RPS6KC1: variants seen among roughly 807,000 people sequenced by gnomAD.
RPS6KC1 encodes ribosomal protein S6 kinase C1, also known as inactive ribosomal protein S6 kinase delta-1.
Under a neutral mutation model 103.8 loss-of-function variants are expected in RPS6KC1, and 54 were observed. That is an observed-to-expected ratio of 0.52 (90% CI 0.42 to 0.65). RPS6KC1 has a LOEUF of 0.65. Ranked by LOEUF, RPS6KC1 falls within the 30% of genes least tolerant of loss-of-function variation. The pLI, the probability that RPS6KC1 is intolerant of heterozygous loss-of-function variation, is 0.00. For synonymous variants in RPS6KC1, 439 were observed against 438.7 expected, an observed-to-expected ratio of 1.00 and a Z score of -0.01; for missense variants, 1,151 against 1,253.8, an observed-to-expected ratio of 0.92 and a Z score of 1.24.
At position 213,139,919 on chromosome 1, in the gene RPS6KC1, T is replaced by TA. The variant is rs559500689; in HGVS notation, c.835+10033dup. Among the ~76,000 whole-genome samples, 6 of 152,258 alleles carry TA rather than the reference T, an allele frequency of 3.9e-5. No homozygotes were observed. In the East Asian group the frequency reaches 9.6e-4, roughly 24 times the overall value. On this transcript the variant is annotated intron_variant, in intron 6 of 14. Coordinates refer to ENST00000366960, the MANE Select transcript of RPS6KC1 (RefSeq NM_012424.6). ...TTTGATAGGAATAGCATTGAATCTG[T>TA]AAATAGCTTTGGGGAGTATGGTAAT...
the RPS6KC1 span, among the ~76,000 whole-genome samples, chr1:213,697,453 A>T: frequency 3.5e-3 from 535 of 152,346 alleles, 3 homozygotes; most frequent in Non-Finnish European, 4.4e-3. Flanking sequence ...GGGTTACTGA[A>T]GAGAGGACCA....
the RPS6KC1 span, among the ~76,000 whole-genome samples, chr1:213,532,505 A>G: frequency 2.0e-4 from 31 of 152,308 alleles, no homozygotes; most frequent in African/African-American, 7.5e-4. Context: ...AGATAGTAGG[A>G]GATAAAGAAG....
At chr1:213,734,713 A>G in the RPS6KC1 span, among the ~76,000 whole-genome samples, 167 of 152,332 alleles carry the variant, frequency 1.1e-3, no homozygotes, top group African/African-American at 3.9e-3. Context: ...GTTCATTTCA[A>G]ATAGTTTTTT....
the RPS6KC1 span, among the ~76,000 whole-genome samples, chr1:213,523,530 T>A: frequency 1.7e-4 from 26 of 152,146 alleles, no homozygotes; most frequent in African/African-American, 6.3e-4. Flanking sequence ...ATCTACAGGG[T>A]TGTTGTAAAA....
intron 8 of RPS6KC1, among the ~76,000 whole-genome samples, chr1:213,176,864 G>A (rs1354190502): frequency 6.6e-6 from 1 of 152,128 alleles, no homozygotes; most frequent in Non-Finnish European, 1.5e-5. Flanking sequence ...GAATCCCCTT[G>A]TAATTACCAT....
chr1:213,109,209 T>C (rs1456066235), intron 4 of RPS6KC1, among the ~76,000 whole-genome samples: 2 of 152,206 alleles, frequency 1.3e-5, no homozygotes, highest in Admixed American at 1.3e-4. Flanking sequence ...CCATCTTGGC[T>C]CACTGCAAGC....
At chr1:213,405,821 A>G in the RPS6KC1 span, among the ~76,000 whole-genome samples, 2 of 152,172 alleles carry the variant, frequency 1.3e-5, no homozygotes, top group African/African-American at 4.8e-5. Flanking sequence ...TGACAGACAC[A>G]TGAACCAGTG....
chr1:213,326,366 CATA>C, the RPS6KC1 span, among the ~76,000 whole-genome samples: 3 of 152,274 alleles, frequency 2.0e-5, no homozygotes, highest in African/African-American at 7.2e-5. Flanking sequence ...ATGATGAAGA[CATA>C]ATGTGTCATA....
the RPS6KC1 span, among the ~76,000 whole-genome samples, chr1:213,625,737 T>C: frequency 6.6e-6 from 1 of 152,346 alleles, no homozygotes; most frequent in East Asian, 1.9e-4. Flanking sequence ...GCTTCAACCA[T>C]GTCCCTACAA....
chr1:213,073,215 A>AACG (rs2079031161), intron 2 of RPS6KC1, among the ~76,000 whole-genome samples: 1 of 152,190 alleles, frequency 6.6e-6, no homozygotes. Context: ...CCTCTCCATT[A>AACG]ACTTATTCAT....
intron 14 of RPS6KC1, among the ~76,000 whole-genome samples, chr1:213,268,031 G>A (rs141944481): frequency 8.6e-4 from 130 of 151,888 alleles, no homozygotes; most frequent in African/African-American, 3.0e-3. Context: ...GGCTAAAAAC[G>A]TTCCAAATTT....
chr1:213,499,735 C>T, the RPS6KC1 span, among the ~76,000 whole-genome samples: 1 of 152,188 alleles, frequency 6.6e-6, no homozygotes, highest in African/African-American at 2.4e-5. Flanking sequence ...TAGTCTACTA[C>T]ACACCTAGGC....
chr1:213,405,568 T>A, the RPS6KC1 span, among the ~76,000 whole-genome samples: 1 of 152,168 alleles, frequency 6.6e-6, no homozygotes, highest in Admixed American at 6.5e-5. Context: ...ACAGCAGCCA[T>A]TTTCAACAAG....
At chr1:213,089,624 G>C (rs1260468251) in intron 3 of RPS6KC1, among the ~76,000 whole-genome samples, 1 of 152,062 alleles carries the variant, frequency 6.6e-6, no homozygotes, top group African/African-American at 2.4e-5. Context: ...ACCACACCTG[G>C]CTAATTTTTG....
chr1:213,441,338 T>G, the RPS6KC1 span, among the ~76,000 whole-genome samples: 2 of 152,330 alleles, frequency 1.3e-5, no homozygotes, highest in Admixed American at 1.3e-4. Flanking sequence ...ATGTATTTCC[T>G]TAGTCTCTTT....
chr1:213,119,384 T>G (rs1438752480), intron 5 of RPS6KC1, among the ~76,000 whole-genome samples: 3 of 136,758 alleles, frequency 2.2e-5, no homozygotes, highest in African/African-American at 8.5e-5. Flanking sequence ...GGGGTGGAGG[T>G]TGCAGTGAGC....
the RPS6KC1 span, among the ~76,000 whole-genome samples, chr1:213,602,034 C>CTTTCTT: frequency 3.0e-3 from 35 of 11,492 alleles, 3 homozygotes; most frequent in African/African-American, 4.9e-3. Context: ...CTTTCTCTTT[C>CTTTCTT]TCTTTCTTTC....
chr1:213,831,645 TATA>T, the RPS6KC1 span, among the ~76,000 whole-genome samples: 6 of 152,334 alleles, frequency 3.9e-5, no homozygotes, highest in African/African-American at 1.2e-4. Context: ...GTGTTTGTAT[TATA>T]ATAATTATAA....
At chr1:213,479,243 A>G in the RPS6KC1 span, among the ~76,000 whole-genome samples, 2 of 152,068 alleles carry the variant, frequency 1.3e-5, no homozygotes, top group African/African-American at 4.8e-5. Flanking sequence ...AGTATATGAA[A>G]CTAGAAGTGG....
Sources: gnomAD v4.1 joint callset for allele counts (sites outside exome capture counted in the v4.1 genomes callset) on GRCh38, gnomAD v4.1.1 for gene constraint, MANE v1.5 for transcripts, NCBI Gene and HGNC (gene_info 2026-07-23, HGNC 2026-07-21) for gene names.